Variants in HDAC9 observed in about 807,000 individuals in gnomAD.
HDAC9 encodes the protein MEF-2 interacting transcription repressor (MITR) protein.
HDAC9 carries 41 observed loss-of-function variants against 139.4 expected under a neutral mutation model. The ratio of observed to expected loss-of-function variants is 0.29; its 90% CI spans 0.23 to 0.38. The LOEUF (loss-of-function observed/expected upper bound fraction) is 0.38, where lower values mean the gene tolerates loss of function less well. HDAC9 is among the 10% of genes least tolerant of loss of function. The pLI is 1.00. For missense variants in HDAC9, 1,147 were observed against 1,297.0 expected (o/e 0.88, Z 1.78); for synonymous variants, 517 against 476.2 (o/e 1.09, Z -1.12).
chr7:18,625,887 C>T (rs549997581), intron 6 of HDAC9, among the ~76,000 whole-genome samples: 1 of 132,712 alleles, frequency 7.5e-6, no homozygotes, highest in African/African-American at 3.0e-5. Context: ...GAGGTTGCAG[C>T]AGTGAGCCAA....
intron 22 of HDAC9, among the ~76,000 whole-genome samples, chr7:18,903,193 A>G (rs1042377691): frequency 2.6e-5 from 4 of 152,212 alleles, no homozygotes; most frequent in African/African-American, 9.6e-5. Context: ...AGGGCTGTGG[A>G]ACTAAATAAA....
chr7:18,807,893 T>C (rs547660663), intron 17 of HDAC9: 2 of 152,326 alleles, frequency 1.3e-5, no homozygotes, highest in Admixed American at 1.3e-4. Context: ...AGAATGTGTA[T>C]TCTGCTGCTG....
At chr7:18,859,046 T>C (rs184325517) in intron 21 of HDAC9, among the ~76,000 whole-genome samples, 3 of 152,304 alleles carry the variant, frequency 2.0e-5, no homozygotes, top group African/African-American at 7.2e-5. Flanking sequence ...CAGACAGATA[T>C]GAGTTTGAAT....
chr7:18,294,156 T>G (rs1797995430), intron 1 of HDAC9, among the ~76,000 whole-genome samples: 2 of 151,946 alleles, frequency 1.3e-5, no homozygotes, highest in Admixed American at 1.3e-4. Context: ...TGAAAAAGAG[T>G]TGTATGAAAT....
intron 24 of HDAC9, among the ~76,000 whole-genome samples, chr7:18,968,723 G>T (rs560505210): frequency 6.6e-6 from 1 of 152,222 alleles, no homozygotes; most frequent in South Asian, 2.1e-4. Context: ...ACTTTGGGAG[G>T]CCGAGGCGGG....
chr7:18,092,043 C>A (rs1175752290), intron 1 of HDAC9, among the ~76,000 whole-genome samples: 1 of 152,138 alleles, frequency 6.6e-6, no homozygotes, highest in African/African-American at 2.4e-5. Context: ...GGGCATGACT[C>A]CTTGGAGGTC....
At chr7:18,960,585 TAAAC>T (rs1009438456) in intron 24 of HDAC9, among the ~76,000 whole-genome samples, 30 of 152,142 alleles carry the variant, frequency 2.0e-4, no homozygotes, top group African/African-American at 7.0e-4. Context: ...AAATACTAAA[TAAAC>T]ACTGTCAATG....
Position 18,341,214 on chromosome 7 carries a change from T to TTGTG in HDAC9, c.-42+50715_-42+50718dup, listed in dbSNP as rs143765661. The stretch of plus-strand genomic sequence containing the variant: ...GCCTTGGAGTAGTTTTATTCATGTT[T>TTGTG]TGTGTGTGTGTGTGTGTGTTTGTGT... On this transcript the variant is annotated intron_variant, in intron 1 of 3. Transcript: ENST00000413509. 3.6e-4 allele frequency among the ~76,000 whole-genome samples: 54 copies of TTGTG among 149,760 alleles called. No homozygotes were observed. In the South Asian group the frequency reaches 4.0e-3, roughly 11 times the overall value.
At chr7:18,258,464 T>A (rs1223226316) in intron 2 of HDAC9, among the ~76,000 whole-genome samples, 1 of 152,186 alleles carries the variant, frequency 6.6e-6, no homozygotes, top group Non-Finnish European at 1.5e-5. Flanking sequence ...CAGTGTGTAG[T>A]CTTTTGTCCC....
chr7:18,409,035 T>C (rs762426330), intron 1 of HDAC9, among the ~76,000 whole-genome samples: 28 of 152,226 alleles, frequency 1.8e-4, no homozygotes, highest in Non-Finnish European at 3.2e-4. Flanking sequence ...ATTTCTGATA[T>C]GCGTTTGTGT....
Position 18,767,124 on chromosome 7 carries a change from T to G in HDAC9, c.2183T>G (p.Phe728Cys), listed in dbSNP as rs1011706668. 1 of 1,576,852 alleles carries G rather than the reference T, an allele frequency of 6.3e-7. No homozygotes were observed. The highest frequency in any genetic ancestry group is 1.4e-5 in the African/African-American group (1 of 73,544). ...RILLGDDSQK[F>C]FSSLPCGGLG... Reference sequence around the variant, plus strand: ...TGTATAGGTGATGACTCTCAAAAGTTTTTTTCCTCATTACCTTGTGGTGGA... The same window carrying G: ...TGTATAGGTGATGACTCTCAAAAGTGTTTTTCCTCATTACCTTGTGGTGGA... Residue 728 changes from phenylalanine to cysteine, a missense_variant, in exon 16 of 26, where the codon TTT becomes TGT. Coordinates refer to ENST00000686413, the MANE Select transcript of HDAC9 (RefSeq NM_178425.4).
intron 6 of HDAC9, among the ~76,000 whole-genome samples, chr7:18,607,650 A>G (rs1835896316): frequency 1.3e-5 from 2 of 152,160 alleles, no homozygotes; most frequent in African/African-American, 4.8e-5. Context: ...CTTAAGTTTT[A>G]ATCTTAACCT....
upstream of HDAC9, among the ~76,000 whole-genome samples, chr7:18,494,684 C>T: frequency 6.6e-6 from 1 of 151,980 alleles, no homozygotes; most frequent in East Asian, 1.9e-4. Context: ...CACAATGTGT[C>T]TGGTAATCTA....
chr7:18,829,573 A>C (rs377260954), intron 19 of HDAC9, 25 bp downstream of exon 19: 2 of 1,384,360 alleles, frequency 1.4e-6, no homozygotes, highest in South Asian at 2.4e-5. Context: ...CCAGAGCTGC[A>C]TTTTCAGTGA....
intron 22 of HDAC9, among the ~76,000 whole-genome samples, chr7:18,907,615 G>C (rs563886368): frequency 6.6e-6 from 1 of 152,214 alleles, no homozygotes; most frequent in Non-Finnish European, 1.5e-5. Context: ...GGGCTTTGGA[G>C]CTATAGCTAG....
chr7:18,152,180 C>T (rs1440837553), intron 1 of HDAC9, among the ~76,000 whole-genome samples: 2 of 152,030 alleles, frequency 1.3e-5, no homozygotes, highest in Non-Finnish European at 2.9e-5. Flanking sequence ...AACACAGAGG[C>T]CCTGAATGTC....
At chr7:18,868,701 A>C (rs1222916167) in intron 21 of HDAC9, among the ~76,000 whole-genome samples, 1 of 152,128 alleles carries the variant, frequency 6.6e-6, no homozygotes, top group East Asian at 1.9e-4. Context: ...TGTCATTAAA[A>C]GTAATATAAT....
At chr7:18,879,557 G>A (rs1229569422) in intron 22 of HDAC9, among the ~76,000 whole-genome samples, 1 of 152,034 alleles carries the variant, frequency 6.6e-6, no homozygotes, top group African/African-American at 2.4e-5. Flanking sequence ...AACAAGCAAT[G>A]GGGAGAAGAC....
At chr7:18,594,068 A>G (rs778130615) in intron 6 of HDAC9, 39 bp downstream of exon 6, 5 of 1,608,334 alleles carry the variant, frequency 3.1e-6, no homozygotes, top group Non-Finnish European at 4.3e-6. Flanking sequence ...GCTCTTCTGT[A>G]ACACACCTGT....
Sources: allele counts gnomAD v4.1 joint callset (sites outside exome capture counted in the v4.1 genomes callset), GRCh38; gene constraint gnomAD v4.1.1; transcripts MANE v1.5; gene names NCBI Gene and HGNC (gene_info 2026-07-23, HGNC 2026-07-21).